Variants in DPH5 observed in about 807,000 individuals in gnomAD.
DPH5 encodes the protein diphthine methyl ester synthase.
Under a neutral mutation model 31.6 loss-of-function variants are expected in DPH5, and 31 were observed. The observed-to-expected ratio is 0.98, with a 90% confidence interval of 0.74 to 1.32. DPH5 has a LOEUF of 1.32. Ranked by LOEUF, DPH5 falls within the 40% of genes most tolerant of loss-of-function variation. DPH5 has a pLI of 0.00. For synonymous variants in DPH5, 120 were observed against 115.0 expected, an observed-to-expected ratio of 1.04 and a Z score of -0.28; for missense variants, 309 against 335.7, an observed-to-expected ratio of 0.92 and a Z score of 0.62.
chr1:101,012,345 GAA>G (rs972266058), intron 4 of DPH5, among the ~76,000 whole-genome samples: 3 of 152,166 alleles, frequency 2.0e-5, no homozygotes, highest in African/African-American at 7.2e-5. Context: ...GTGATAAGCA[GAA>G]AAGAGGGATG....
intron 3 of DPH5, among the ~76,000 whole-genome samples, chr1:101,014,075 T>G (rs909143891): frequency 2.6e-5 from 4 of 152,194 alleles, no homozygotes; most frequent in African/African-American, 9.7e-5. Flanking sequence ...GGACCTTTAC[T>G]TGCCCACTGT....
intron 4 of DPH5, among the ~76,000 whole-genome samples, chr1:101,002,951 T>C (rs1463008481): frequency 2.6e-5 from 4 of 152,178 alleles, no homozygotes; most frequent in Admixed American, 2.0e-4. Context: ...TCCTATAAAC[T>C]ATAATCAACA....
At position 100,999,906 on chromosome 1, in the gene DPH5, A is replaced by G. The variant is rs1459105568; in HGVS notation, c.490+1561T>C. On this transcript the variant is annotated intron_variant, in intron 5 of 7. Coordinates refer to ENST00000370109, the MANE Select transcript of DPH5 (RefSeq NM_015958.3). ...ACGCTTGTAATCCCAGCACTTTAGG[A>G]GGCCGAGGCGGGTGGATCATGAGGT... is the stretch of plus-strand genomic sequence containing the variant. 3.3e-5 allele frequency among the ~76,000 whole-genome samples: 5 copies of G among 151,922 alleles called. 1 individual carries two copies. Among genetic ancestry groups the G allele is most frequent in the Admixed American group, 2.0e-4 (3 of 15,254 alleles).
At chr1:101,005,180 T>C (rs1570673902) in intron 4 of DPH5, among the ~76,000 whole-genome samples, 1 of 152,338 alleles carries the variant, frequency 6.6e-6, no homozygotes, top group East Asian at 1.9e-4. Context: ...TTATTTTGTA[T>C]AACAAATAAA....
intron 5 of DPH5, 67 bp downstream of exon 5, chr1:101,001,400 C>A: frequency 6.5e-7 from 1 of 1,534,334 alleles, no homozygotes; most frequent in South Asian, 1.2e-5. Context: ...GACCTTAACA[C>A]AAAATCAAAA....
intron 4 of DPH5, among the ~76,000 whole-genome samples, chr1:101,006,468 T>C (rs1470485315): frequency 6.6e-6 from 1 of 152,144 alleles, no homozygotes; most frequent in Non-Finnish European, 1.5e-5. Context: ...ACTTAGCAGG[T>C]AGTCAAAAAC....
rs576579719 is a variant in DPH5 at position 101,002,734 on chromosome 1, A to G, written c.370-1147T>C. 3.7e-3 allele frequency among the ~76,000 whole-genome samples: 558 copies of G among 152,234 alleles called. 1 individual carries two copies. Among genetic ancestry groups the G allele is most frequent in the African/African-American group, 0.013 (536 of 41,542 alleles). ...ACTTTTCTCAGCCTTGGGTTCTTCA[A>G]TTAAAAATGCAGAACCTGGTCTGGA... On this transcript the variant is annotated intron_variant, in intron 4 of 7. Transcript: ENST00000370109.
intron 2 of DPH5, 130 bp from the exon 3 acceptor site, chr1:101,021,895 C>T (rs1434262771): frequency 1.2e-6 from 1 of 857,870 alleles, no homozygotes; most frequent in Non-Finnish European, 1.7e-6. Flanking sequence ...TTGGCAACCA[C>T]CCAAATGCAG....
At chr1:101,007,946 T>C (rs936577332) in intron 4 of DPH5, among the ~76,000 whole-genome samples, 1 of 152,180 alleles carries the variant, frequency 6.6e-6, no homozygotes, top group African/African-American at 2.4e-5. Context: ...TGCAAAATGT[T>C]AAACAAATAC....
At chr1:100,995,013 T>C in intron 6 of DPH5, 97 bp downstream of exon 6, 3 of 849,202 alleles carry the variant, frequency 3.5e-6, no homozygotes, top group South Asian at 3.0e-5. Flanking sequence ...GAGAGCTCAT[T>C]TTCAACCATC....
intron 5 of DPH5, among the ~76,000 whole-genome samples, chr1:100,998,577 A>C (rs893918943): frequency 6.6e-6 from 1 of 152,186 alleles, no homozygotes; most frequent in Non-Finnish European, 1.5e-5. Flanking sequence ...GCAAGAGTTA[A>C]AGATTTTCTG....
At chr1:101,000,366 T>A (rs1056050827) in intron 5 of DPH5, among the ~76,000 whole-genome samples, 1 of 152,254 alleles carries the variant, frequency 6.6e-6, no homozygotes, top group African/African-American at 2.4e-5. Context: ...TGCCAGTAAA[T>A]GATGAAGTAA....
At chr1:101,018,938 C>T (rs1190310868) in intron 3 of DPH5, among the ~76,000 whole-genome samples, 1 of 152,112 alleles carries the variant, frequency 6.6e-6, no homozygotes, top group Non-Finnish European at 1.5e-5. Context: ...GCACTGTTCA[C>T]ATTCATTACA....
chr1:101,025,297 C>T lies in DPH5; in HGVS notation c.135+12G>A. On this transcript the variant is annotated intron_variant, in intron 2 of 7. Transcript: ENST00000370109. ...TTTCTTCCCAGGAGGCTGGGGAACGCTCAGCACCTACCAAGGCTTCCTTCC... is the reference window on the plus strand; with the variant it reads ...TTTCTTCCCAGGAGGCTGGGGAACGTTCAGCACCTACCAAGGCTTCCTTCC... The T allele has an allele frequency of 1.9e-6, 3 of 1,613,726 alleles. No individual in the cohort carries two copies. Among genetic ancestry groups the T allele is most frequent in the Non-Finnish European group, 2.5e-6 (3 of 1,179,866 alleles).
intron 7 of DPH5, among the ~76,000 whole-genome samples, chr1:100,991,265 C>A (rs1304592927): frequency 2.0e-5 from 3 of 152,176 alleles, no homozygotes; most frequent in Admixed American, 6.5e-5. Flanking sequence ...TAGTATTATT[C>A]ACTCTGGTGC....
At position 100,990,660 on chromosome 1, in the gene DPH5, A is replaced by T. The variant is rs757703997; in HGVS notation, c.635-29T>A. 6.3e-6 allele frequency: 10 copies of T among 1,595,692 alleles called. No homozygotes were observed. In the East Asian group the frequency reaches 2.2e-4, roughly 36 times the overall value. ...TTAAAAAAAAAAGATACTGCTATTCAATTCAGCAAATGCATCATCCATCCA... is the reference window on the plus strand; with the variant it reads ...TTAAAAAAAAAAGATACTGCTATTCTATTCAGCAAATGCATCATCCATCCA... On this transcript the variant is annotated intron_variant, in intron 7 of 7. Transcript: ENST00000370109.
intron 4 of DPH5, among the ~76,000 whole-genome samples, chr1:101,010,878 T>G (rs985440844): frequency 6.6e-6 from 1 of 152,210 alleles, no homozygotes; most frequent in African/African-American, 2.4e-5. Context: ...TTGTCTAGGT[T>G]GGTAATTCTC....
At chr1:101,014,878 T>G (rs907463680) in intron 3 of DPH5, among the ~76,000 whole-genome samples, 2 of 152,222 alleles carry the variant, frequency 1.3e-5, no homozygotes, top group African/African-American at 4.8e-5. Flanking sequence ...ACCACTTTCT[T>G]TGCCTGTCCA....
At chr1:101,004,566 GTT>G (rs1202976373) in intron 4 of DPH5, among the ~76,000 whole-genome samples, 3 of 152,080 alleles carry the variant, frequency 2.0e-5, no homozygotes, top group African/African-American at 7.2e-5. Context: ...ATTGGATTAT[GTT>G]TTATCTAGGA....
Sources: allele counts gnomAD v4.1 joint callset (sites outside exome capture counted in the v4.1 genomes callset), GRCh38; gene constraint gnomAD v4.1.1; transcripts MANE v1.5; gene names NCBI Gene and HGNC (gene_info 2026-07-23, HGNC 2026-07-21).